The following JMJD8 variants were observed in gnomAD, a reference collection of about 807,000 sequenced individuals.
JMJD8 encodes the protein jumonji domain containing 8.
Under a neutral mutation model 37.6 loss-of-function variants are expected in JMJD8, and 56 were observed. The ratio of observed to expected loss-of-function variants is 1.49; its 90% CI spans 1.20 to 1.86. The LOEUF (loss-of-function observed/expected upper bound fraction) is 1.86. Among genes scored for constraint, JMJD8 ranks in the 40% most tolerant of loss-of-function variants. The pLI, the probability that JMJD8 is intolerant of heterozygous loss-of-function variation, is 0.00. For synonymous variants in JMJD8, 261 were observed against 163.7 expected, an observed-to-expected ratio of 1.59 and a Z score of -4.54; for missense variants, 542 against 362.7, an observed-to-expected ratio of 1.49 and a Z score of -4.01.
chr16:683,350 G>T lies in JMJD8; in HGVS notation c.483C>A (p.Thr161=). ...YSPPPFGLLG[T]APAYSFGIAG... ...CGATTCCAAAGCTGTAAGCTGGAGC[G>T]GTTCCCAGCAGGCCAAATGGGGGTG... is the stretch of plus-strand genomic sequence containing the variant. Residue 161 remains threonine (T), a synonymous_variant, in exon 6 of 9, where the codon ACC becomes ACA. Coordinates refer to ENST00000609261, the MANE Select transcript of JMJD8 (RefSeq NM_001005920.4). 1 of 1,570,196 alleles carries T rather than the reference G, an allele frequency of 6.4e-7. No homozygotes were observed. The highest frequency in any genetic ancestry group is 8.6e-7 in the Non-Finnish European group (1 of 1,157,236).
chr16:684,293 C>T lies in JMJD8; in HGVS notation c.27G>A (p.Ala9=). MAPASRLL[A]LWALAAVALP... is the part of the protein sequence containing the mutation. ...GAGCCACAGCCGCCAGCGCCCAGAG[C>T]GCGAGCAACCGCGACGCCGGCGCCA... The change falls in exon 1 of 9, where the codon GCG becomes GCA. Residue 9 remains alanine, a synonymous_variant. Transcript: ENST00000609261. 6.8e-7 allele frequency: 1 copy of T among 1,475,676 alleles called. No individual in the cohort carries two copies. The highest frequency in any genetic ancestry group is 8.9e-7 in the Non-Finnish European group (1 of 1,121,434). 91.4% of individuals were successfully genotyped at this position (1,475,676 alleles called of 1,614,324 possible).
rs751176407 is a variant in JMJD8 at position 684,110 on chromosome 16, C to T, written c.132G>A (p.Thr44=). 2.3e-5 allele frequency: 35 copies of T among 1,554,470 alleles called. No homozygotes were observed. Among genetic ancestry groups the T allele is most frequent in the Non-Finnish European group, 2.8e-5 (33 of 1,160,180 alleles). The part of the protein sequence containing the change: ...PGAVAEEERC[T]VERRADLTYA... ...AGGTGAGGTCGGCCCGACGCTCCAC[C>T]GTGCAGCGCTCCTCCTCCGCCACGG... The change falls in exon 2 of 9, where the codon ACG becomes ACA. Residue 44 remains threonine (T), a synonymous_variant. Coordinates refer to ENST00000609261, the MANE Select transcript of JMJD8 (RefSeq NM_001005920.4).
chr16:682,471 C>G lies in JMJD8; in HGVS notation c.*323G>C, dbSNP rs369998074. ...TTGACGCATTCATCTCTGAGAATGG[C>G]TGGGTGGAGGACTACTGAGGTTCCC... is the stretch of plus-strand genomic sequence containing the variant. On this transcript the variant is annotated 3_prime_UTR_variant, in exon 9 of 9. Transcript: ENST00000609261. 2 of 1,613,266 alleles carry G rather than the reference C, an allele frequency of 1.2e-6. No individual in the cohort carries two copies. Among genetic ancestry groups the G allele is most frequent in the Non-Finnish European group, 1.7e-6 (2 of 1,180,020 alleles).
Position 682,077 on chromosome 16 carries a change from G to A in JMJD8, c.*717C>T. 3 of 1,582,680 alleles carry A rather than the reference G, an allele frequency of 1.9e-6. No individual in the cohort carries two copies. The highest frequency in any genetic ancestry group is 2.6e-6 in the Non-Finnish European group (3 of 1,158,592). On this transcript the variant is annotated 3_prime_UTR_variant, in exon 9 of 9. Coordinates refer to ENST00000609261, the MANE Select transcript of JMJD8 (RefSeq NM_001005920.4). The stretch of plus-strand genomic sequence containing the variant: ...TTCTCAGGTGGATGAGAAGAGGAAG[G>A]TGAGTGTGTGTCGCTTGCTGCCGAT...
At position 683,366 on chromosome 16, in the gene JMJD8, A is replaced by G. The variant is rs1035131229; in HGVS notation, c.467T>C (p.Phe156Ser). The G allele has an allele frequency of 5.8e-6, 9 of 1,560,908 alleles. No homozygotes were observed. The highest frequency in any genetic ancestry group is 7.8e-6 in the Non-Finnish European group (9 of 1,152,296). ...SLFRHYSPPP[F>S]GLLGTAPAYS... ...AGCTGGAGCGGTTCCCAGCAGGCCA[A>G]ATGGGGGTGGGGAGTAGTGCCGAAA... The change falls in exon 6 of 9, where the codon TTT (phenylalanine) becomes TCT (serine). Residue 156 changes from phenylalanine (F) to serine (S), a missense_variant. By Grantham distance (155) the Phe-to-Ser change is radical. Coordinates refer to ENST00000609261, the MANE Select transcript of JMJD8 (RefSeq NM_001005920.4).
rs772402519 is a variant in JMJD8 at position 684,074 on chromosome 16, G to T, written c.168C>A (p.Phe56Leu). The change falls in exon 2 of 9, where the codon TTC becomes TTA. Residue 56 changes from phenylalanine (F) to leucine (L), a missense_variant. Physicochemically the swap from Phe to Leu is conservative, Grantham distance 22. Coordinates refer to ENST00000609261, the MANE Select transcript of JMJD8 (RefSeq NM_001005920.4). ...ATCAGGGGCGCACGTACTGCTGCAC[G>T]AACTCCGCGTAGGTGAGGTCGGCCC... Reference protein sequence around the residue: ...ERRADLTYAEFVQQYAFVRPV... With the variant: ...ERRADLTYAELVQQYAFVRPV... 2.5e-6 allele frequency: 4 copies of T among 1,579,842 alleles called. No homozygotes were observed. The highest frequency in any genetic ancestry group is 3.4e-5 in the Admixed American group (2 of 58,026).
rs1435127198 is a variant in JMJD8, at chr16:682,704, G to A, written c.*90C>T. 1.1e-5 allele frequency: 16 copies of A among 1,485,692 alleles called. No individual in the cohort carries two copies. The South Asian group carries it at 1.7e-4, about 16-fold the overall frequency. 92.0% of individuals were successfully genotyped at this position (1,485,692 alleles called of 1,614,324 possible). On this transcript the variant is annotated 3_prime_UTR_variant, in exon 9 of 9. Coordinates refer to ENST00000609261, the MANE Select transcript of JMJD8 (RefSeq NM_001005920.4). ...GCAGGTGAGGGTGGGCTGGGCTGAG[G>A]CCATTGCCGCCACTATCTGTGTAAT...
Position 682,577 on chromosome 16 carries a change from C to A in JMJD8, c.*217G>T. The A allele has an allele frequency of 6.4e-7, 1 of 1,562,610 alleles. No homozygotes were observed. Among genetic ancestry groups the A allele is most frequent in the Non-Finnish European group, 8.7e-7 (1 of 1,147,476 alleles). On this transcript the variant is annotated 3_prime_UTR_variant, in exon 9 of 9. Coordinates refer to ENST00000609261, the MANE Select transcript of JMJD8 (RefSeq NM_001005920.4). ...ATACATAGTTTATGTTCCTGGCCAC[C>A]CCGACCGCTTCCCCCAAGTTCTGCT...
rs774250418 is a variant in JMJD8 at position 683,410 on chromosome 16, G to T, written c.423C>A (p.Phe141Leu). The T allele has an allele frequency of 3.2e-5, 50 of 1,552,930 alleles. No individual in the cohort carries two copies. Among genetic ancestry groups the T allele is most frequent in the Non-Finnish European group, 4.3e-5 (49 of 1,147,962 alleles). The change falls in exon 6 of 9, where the codon TTC (phenylalanine) becomes TTA (leucine). Residue 141 changes from phenylalanine (F) to leucine (L), a missense_variant. Transcript: ENST00000609261. ...DTLYFFGDNN[F>L]TEWASLFRHY... The stretch of plus-strand genomic sequence containing the variant: ...GCCGAAAGAGAGAGGCCCACTCGGT[G>T]AAGTTGTTGTCCCCGAAGAAGTACA...
chr16:683,645 T>C (rs1009628373), intron 4 of JMJD8, 40 bp downstream of exon 4: 2 of 1,579,592 alleles, frequency 1.3e-6, no homozygotes, highest in African/African-American at 1.4e-5. Flanking sequence ...GCCGCCCCGG[T>C]GTTGGCAAAT....
intron 2 of JMJD8, 61 bp from the exon 3 acceptor site, chr16:683,970 C>T: frequency 6.4e-6 from 10 of 1,555,724 alleles, no homozygotes; most frequent in Non-Finnish European, 8.6e-6. Flanking sequence ...CCCAGCCCCA[C>T]GCGTGCGCGC....
Position 682,125 on chromosome 16 carries a change from GCC to G in JMJD8, c.*667_*668del, listed in dbSNP as rs1213063524. 1 of 1,589,300 alleles carries G rather than the reference GCC, an allele frequency of 6.3e-7. No homozygotes were observed. The highest frequency in any genetic ancestry group is 8.6e-7 in the Non-Finnish European group (1 of 1,161,236). On this transcript the variant is annotated 3_prime_UTR_variant, in exon 9 of 9. Transcript: ENST00000609261. The stretch of plus-strand genomic sequence containing the variant: ...GATGGCTGGCAGGTGCTCGTGCAGT[GCC>G]CCTTTTCAGCCTCTGACCGTGTGCC...
chr16:682,076 G>C lies in JMJD8; in HGVS notation c.*718C>G. The C allele has an allele frequency of 6.3e-7, 1 of 1,583,130 alleles. No individual in the cohort carries two copies. Among genetic ancestry groups the C allele is most frequent in the Non-Finnish European group, 8.6e-7 (1 of 1,158,820 alleles). The stretch of plus-strand genomic sequence containing the variant: ...TTTCTCAGGTGGATGAGAAGAGGAA[G>C]GTGAGTGTGTGTCGCTTGCTGCCGA... On this transcript the variant is annotated 3_prime_UTR_variant, in exon 9 of 9. Transcript: ENST00000609261.
rs368124029 is a variant in JMJD8 at position 683,761 on chromosome 16, G to A, written c.246C>T (p.Ser82=). The A allele has an allele frequency of 1.2e-6, 2 of 1,608,654 alleles. No individual in the cohort carries two copies. Among genetic ancestry groups the A allele is most frequent in the Non-Finnish European group, 1.7e-6 (2 of 1,178,172 alleles). ...CAAACGAAGCCAGCAACCTGTCGCG[G>A]GAGCACAGGGCCCGGAACCTCTGCG... is the stretch of plus-strand genomic sequence containing the variant. ...TDNSRFRALC[S]RDRLLASFGD... Residue 82 remains serine (S), a synonymous_variant, in exon 4 of 9, where the codon TCC becomes TCT. Transcript: ENST00000609261.
Position 684,303 on chromosome 16 carries a change from C to A in JMJD8, c.17G>T (p.Arg6Leu). 2 of 1,483,968 alleles carry A rather than the reference C, an allele frequency of 1.3e-6. No individual in the cohort carries two copies. Among genetic ancestry groups the A allele is most frequent in the Admixed American group, 2.3e-5 (1 of 43,582 alleles). 91.9% of individuals were successfully genotyped at this position (1,483,968 alleles called of 1,614,324 possible). A position where few individuals can be genotyped will look rare whatever the true frequency, so the allele number is the denominator to read the frequency against. Residue 6 changes from arginine to leucine, a missense_variant, in exon 1 of 9, where the codon CGG becomes CTG. Transcript: ENST00000609261. ...CGCCAGCGCCCAGAGCGCGAGCAAC[C>A]GCGACGCCGGCGCCATGAGCCTGCC... MAPAS[R>L]LLALWALAAV...
chr16:684,178 C>T (rs1406715964), intron 1 of JMJD8, 23 bp from the exon 2 acceptor site: 1 of 1,330,024 alleles, frequency 7.5e-7, no homozygotes, highest in East Asian at 3.2e-5. Context: ...CTGGGTCAGC[C>T]CGCGCCCCGC....
chr16:684,315 G>A lies in JMJD8; in HGVS notation c.5C>T (p.Ala2Val), dbSNP rs754901143. Residue 2 changes from alanine to valine, a missense_variant, in exon 1 of 9, where the codon GCG becomes GTG. Coordinates refer to ENST00000609261, the MANE Select transcript of JMJD8 (RefSeq NM_001005920.4). Reference protein sequence around the residue: MAPASRLLALWA... With the variant: MVPASRLLALWA... ...GAGCGCGAGCAACCGCGACGCCGGC[G>A]CCATGAGCCTGCCGCCCTCAGGCAG... 2.7e-6 allele frequency: 4 copies of A among 1,490,120 alleles called. No individual in the cohort carries two copies. Among genetic ancestry groups the A allele is most frequent in the South Asian group, 2.5e-5 (2 of 79,350 alleles). 92.3% of individuals were successfully genotyped at this position (1,490,120 alleles called of 1,614,324 possible). A position where few individuals can be genotyped will look rare whatever the true frequency, so the allele number is the denominator to read the frequency against.
Position 683,572 on chromosome 16 carries a change from C to G in JMJD8, c.349G>C (p.Glu117Gln), listed in dbSNP as rs187664088. The G allele has an allele frequency of 2.5e-6, 4 of 1,576,112 alleles. No individual in the cohort carries two copies. The Admixed American group carries it at 5.5e-5, about 22-fold the overall frequency. Residue 117 changes from glutamate (E) to glutamine (Q), a missense_variant, in exon 5 of 9, where the codon GAG (glutamate) becomes CAG (glutamine). Coordinates refer to ENST00000609261, the MANE Select transcript of JMJD8 (RefSeq NM_001005920.4). ...GGGTCCTGGGGGTGCAGCAGCTGCT[C>G]CACATACTCCTGGAAGGGCAAGTCC... The part of the protein sequence containing the change: ...KVDLPFQEYV[E>Q]QLLHPQDPTS...
Position 683,101 on chromosome 16 carries a change from C to T in JMJD8, c.580-14G>A. The T allele has an allele frequency of 6.2e-7, 1 of 1,613,564 alleles. No individual in the cohort carries two copies. ...AAGGAACCAGCGCTGGGGGCATGAG[C>T]AGCAGTGTCACCCTTGCCCGTTTTG... On this transcript the variant is annotated splice_polypyrimidine_tract_variant and intron_variant, in intron 7 of 8. Transcript: ENST00000609261.
Sources: allele counts gnomAD v4.1 joint callset, GRCh38; gene constraint gnomAD v4.1.1; transcripts MANE v1.5; gene names NCBI Gene and HGNC (gene_info 2026-07-23, HGNC 2026-07-21).